The following STXBP5 variants were observed in gnomAD, a reference collection of about 807,000 sequenced individuals.
STXBP5 encodes syntaxin binding protein 5.
Under a neutral mutation model 152.4 loss-of-function variants are expected in STXBP5, and 50 were observed. The ratio of observed to expected loss-of-function variants is 0.33; its 90% CI spans 0.26 to 0.42. The LOEUF (loss-of-function observed/expected upper bound fraction) is 0.42. Ranked by LOEUF, STXBP5 falls within the 10% of genes least tolerant of loss-of-function variation. The pLI is 1.00. For missense variants in STXBP5, 1,167 were observed against 1,388.6 expected (o/e 0.84, Z 2.54); for synonymous variants, 492 against 494.7 (o/e 0.99, Z 0.07).
At chr6:147,242,198 A>G (rs913449107) in intron 4 of STXBP5, among the ~76,000 whole-genome samples, 2 of 151,922 alleles carry the variant, frequency 1.3e-5, no homozygotes, top group Non-Finnish European at 2.9e-5. Context: ...TTTAAAAAGT[A>G]AAAGTAAAAA....
At chr6:147,262,251 T>G in intron 5 of STXBP5, 39 bp from the exon 6 acceptor site, 1 of 1,291,718 alleles carries the variant, frequency 7.7e-7, no homozygotes, top group South Asian at 1.4e-5. Context: ...TTAAAATTCT[T>G]AACTGAAGAG....
At chr6:147,279,128 C>T (rs1394318566) in intron 8 of STXBP5, among the ~76,000 whole-genome samples, 1 of 152,160 alleles carries the variant, frequency 6.6e-6, no homozygotes, top group Non-Finnish European at 1.5e-5. Flanking sequence ...GTAAGCAGAT[C>T]TTTGTAGTGA....
At chr6:147,221,498 T>G (rs374043488) in intron 2 of STXBP5, among the ~76,000 whole-genome samples, 3 of 152,168 alleles carry the variant, frequency 2.0e-5, no homozygotes, top group East Asian at 3.9e-4. Flanking sequence ...TTTTCATTAC[T>G]TCTTCAGTTT....
At chr6:147,288,087 C>G (rs995735823) in intron 8 of STXBP5, among the ~76,000 whole-genome samples, 1 of 152,026 alleles carries the variant, frequency 6.6e-6, no homozygotes, top group Non-Finnish European at 1.5e-5. Context: ...GTTCTCGGAG[C>G]TTTTCTTTTA....
rs1255625934 is a variant in STXBP5, at chr6:147,334,218, C to T, written c.2142C>T (p.Thr714=). ...CAGAGGATCGCTGCAAATCTCCAAC[C>T]TCTGGTAATTTGGTTTTTTTTTATT... ...VVPEDRCKSP[T]SGSSSPHNSD... The change falls in exon 19 of 28, where the codon ACC becomes ACT. Residue 714 remains threonine, a synonymous_variant. Transcript: ENST00000321680. The T allele has an allele frequency of 3.1e-6, 5 of 1,611,164 alleles. No individual in the cohort carries two copies. Among genetic ancestry groups the T allele is most frequent in the Non-Finnish European group, 4.2e-6 (5 of 1,178,854 alleles).
chr6:147,263,067 T>C (rs2115348999), intron 6 of STXBP5, among the ~76,000 whole-genome samples: 1 of 152,042 alleles, frequency 6.6e-6, no homozygotes, highest in East Asian at 1.9e-4. Flanking sequence ...AACCTCTGGA[T>C]TTTGTGCAGG....
chr6:147,321,404 T>C (rs1782927767), intron 16 of STXBP5, among the ~76,000 whole-genome samples: 1 of 152,076 alleles, frequency 6.6e-6, no homozygotes, highest in African/African-American at 2.4e-5. Flanking sequence ...CTGGATAACA[T>C]AGTAAGATAC....
Position 147,384,862 on chromosome 6 carries a change from C to A in STXBP5, c.*107C>A. ...TTAAAGGGATGTTCGTCACTGAATA[C>A]TGTTCTTTCCTAGCACAGTCATGCA... On this transcript the variant is annotated 3_prime_UTR_variant, in exon 28 of 28. Coordinates refer to ENST00000321680, the MANE Select transcript of STXBP5 (RefSeq NM_001127715.4). 1 of 1,126,094 alleles carries A rather than the reference C, an allele frequency of 8.9e-7. No individual in the cohort carries two copies. Among genetic ancestry groups the A allele is most frequent in the Non-Finnish European group, 1.3e-6 (1 of 756,986 alleles). The allele number at this position is 1,126,094 out of a possible 1,614,324, so 69.8% of individuals were successfully genotyped here.
intron 16 of STXBP5, among the ~76,000 whole-genome samples, chr6:147,322,672 A>G (rs1029301942): frequency 6.6e-6 from 1 of 152,266 alleles, no homozygotes; most frequent in Non-Finnish European, 1.5e-5. Flanking sequence ...GGCTTTGCAT[A>G]TGTTTTGCTA....
chr6:147,381,811 T>G (rs1052144812), intron 26 of STXBP5, among the ~76,000 whole-genome samples: 4 of 152,100 alleles, frequency 2.6e-5, no homozygotes, highest in Admixed American at 2.6e-4. Context: ...TCCATTTAAA[T>G]GAAATACTCA....
intron 21 of STXBP5, among the ~76,000 whole-genome samples, chr6:147,345,948 A>G (rs1456070456): frequency 6.6e-6 from 1 of 152,192 alleles, no homozygotes; most frequent in African/African-American, 2.4e-5. Flanking sequence ...ATTCAGGTTT[A>G]TAAGAAGAGA....
intron 17 of STXBP5, among the ~76,000 whole-genome samples, chr6:147,325,444 A>G (rs1783199364): frequency 1.3e-5 from 2 of 152,180 alleles, no homozygotes; most frequent in Admixed American, 6.5e-5. Context: ...CTGTTATAAA[A>G]CTGATTTTTG....
chr6:147,367,397 G>A (rs565247537), intron 25 of STXBP5, among the ~76,000 whole-genome samples: 14 of 152,180 alleles, frequency 9.2e-5, no homozygotes, highest in Admixed American at 2.6e-4. Flanking sequence ...CCAGCACTTT[G>A]GGAGGCCGAG....
chr6:147,240,694 AG>A (rs2115211952), intron 4 of STXBP5, among the ~76,000 whole-genome samples: 1 of 152,342 alleles, frequency 6.6e-6, no homozygotes, highest in South Asian at 2.1e-4. Context: ...AGAGGTAAGA[AG>A]TGTGAACTTA....
intron 4 of STXBP5, among the ~76,000 whole-genome samples, chr6:147,246,771 C>T (rs1289747653): frequency 6.6e-6 from 1 of 151,946 alleles, no homozygotes; most frequent in East Asian, 1.9e-4. Flanking sequence ...GACTTTATAA[C>T]TTAAATATCA....
At chr6:147,226,269 C>G (rs1345763206) in intron 2 of STXBP5, among the ~76,000 whole-genome samples, 1 of 150,506 alleles carries the variant, frequency 6.6e-6, no homozygotes, top group Non-Finnish European at 1.5e-5. Context: ...TGCCTCTGCA[C>G]TCTACCCTGG....
At chr6:147,205,862 T>C (rs1776525205) in intron 1 of STXBP5, 109 bp from the exon 2 acceptor site, 3 of 728,722 alleles carry the variant, frequency 4.1e-6, no homozygotes, top group Non-Finnish European at 7.3e-6. Flanking sequence ...CATGTGTATG[T>C]GTTTTGCATC....
chr6:147,255,494 G>A (rs1231394153), intron 4 of STXBP5, among the ~76,000 whole-genome samples: 1 of 123,210 alleles, frequency 8.1e-6, no homozygotes, highest in African/African-American at 2.7e-5. Context: ...GACTTTCTTT[G>A]TTCCTTTTTG....
At chr6:147,367,636 TCAAAAAA>T (rs1004016174) in intron 25 of STXBP5, among the ~76,000 whole-genome samples, 1 of 151,436 alleles carries the variant, frequency 6.6e-6, no homozygotes, top group African/African-American at 2.4e-5. Flanking sequence ...AGATTCTGTC[TCAAAAAA>T]CAAAAAAACA....
Sources: allele counts gnomAD v4.1 joint callset (sites outside exome capture counted in the v4.1 genomes callset), GRCh38; gene constraint gnomAD v4.1.1; transcripts MANE v1.5; gene names NCBI Gene and HGNC (gene_info 2026-07-23, HGNC 2026-07-21).